The following CACNG4 variants were observed in gnomAD, a reference collection of about 807,000 sequenced individuals.
CACNG4 encodes the protein calcium voltage-gated channel auxiliary subunit gamma 4, also known as voltage-dependent calcium channel gamma-4 subunit.
In CACNG4, 8 loss-of-function variants were observed where a neutral mutation model predicts 22.9. The observed-to-expected ratio is 0.35, with a 90% CI of 0.21 to 0.63. CACNG4 has a LOEUF of 0.63. CACNG4 is among the 30% of genes least tolerant of loss of function. The pLI, the probability that CACNG4 is intolerant of heterozygous loss-of-function variation, is 0.72. For missense variants in CACNG4, 357 were observed against 455.4 expected, an observed-to-expected ratio of 0.78 and a Z score of 1.97; for synonymous variants, 188 against 191.9, an observed-to-expected ratio of 0.98 and a Z score of 0.17.
chr17:66,964,860 G>GGGCGGGCGC lies in CACNG4; in HGVS notation c.-44_-36dup. 1 of 1,166,850 alleles carries GGGCGGGCGC rather than the reference G, an allele frequency of 8.6e-7. No homozygotes were observed. The highest frequency in any genetic ancestry group is 1.1e-6 in the Non-Finnish European group (1 of 927,714). The allele number at this position is 1,166,850 out of a possible 1,614,324, so 72.3% of individuals were successfully genotyped here. A position where few individuals can be genotyped will look rare whatever the true frequency, so the allele number is the denominator to read the frequency against. On this transcript the variant is annotated 5_prime_UTR_variant, in exon 1 of 4. Coordinates refer to ENST00000262138, the MANE Select transcript of CACNG4 (RefSeq NM_014405.4). ...GAGCGGCGCGCGGAGGGAGGAGGGC[G>GGGCGGGCGC]GGCGGGCGCGGCGGGCCGGGCCGGC...
At chr17:66,991,247 C>T (rs1260451429) in intron 1 of CACNG4, among the ~76,000 whole-genome samples, 1 of 152,100 alleles carries the variant, frequency 6.6e-6, no homozygotes. Context: ...TTTCCACTGC[C>T]CCTTCCCCTT....
Position 66,971,974 on chromosome 17 carries a change from G to A in CACNG4, c.220+6843G>A, listed in dbSNP as rs975440376. 1.3e-4 allele frequency among the ~76,000 whole-genome samples: 20 copies of A among 152,196 alleles called. 1 individual carries two copies. Among genetic ancestry groups the A allele is most frequent in the African/African-American group, 4.6e-4 (19 of 41,440 alleles). On this transcript the variant is annotated intron_variant, in intron 1 of 3. Transcript: ENST00000262138. ...CAGGAGGCAGGGGAGGCTACCAGGA[G>A]ACCCATCTGGACATTGTGGCAGACT...
intron 1 of CACNG4, among the ~76,000 whole-genome samples, chr17:66,968,389 C>T (rs2035183141): frequency 6.6e-6 from 1 of 151,870 alleles, no homozygotes; most frequent in Non-Finnish European, 1.5e-5. Flanking sequence ...TTTTCTCTTC[C>T]CTTCCCTTCT....
Position 67,030,586 on chromosome 17 carries a change from CTCTG to C in CACNG4, c.570_573del (p.Phe192LeufsTer11), listed in dbSNP as rs1173016945. 1 of 1,614,236 alleles carries C rather than the reference CTCTG, an allele frequency of 6.2e-7. No individual in the cohort carries two copies. The highest frequency in any genetic ancestry group is 1.7e-5 in the Admixed American group (1 of 60,036). On this transcript the variant is annotated frameshift_variant, in exon 4 of 4. Coordinates refer to ENST00000262138, the MANE Select transcript of CACNG4 (RefSeq NM_014405.4). LOFTEE classifies it high-confidence loss of function. The surrounding 1 kb of genome is among the most constrained non-coding windows in gnomAD (Gnocchi z 6.4). ...TACGGCTGGTCTTTTTACTTTGGAGCTCTGTCTTTCATTGTGGCTGAGACCGTGG... is the reference window on the plus strand; with the variant it reads ...TACGGCTGGTCTTTTTACTTTGGAGCTCTTTCATTGTGGCTGAGACCGTGG...
In CACNG4 at chr17:67,008,755, C is replaced by G. The variant is rs1036044806; in HGVS notation, c.221-9434C>G. On this transcript the variant is annotated intron_variant, in intron 1 of 3. Coordinates refer to ENST00000262138, the MANE Select transcript of CACNG4 (RefSeq NM_014405.4). ...TTGAGGTCAGGAGTTCGACACCAGC[C>G]TGGCCAACATGGTGAAACCCCATCT... Among the ~76,000 whole-genome samples, 12 of 152,280 alleles carry G rather than the reference C, an allele frequency of 7.9e-5. No homozygotes were observed. In the East Asian group the frequency reaches 1.7e-3, roughly 22 times the overall value.
rs575598146 is a variant in CACNG4, at chr17:67,030,058, A to T, written c.446-408A>T. ...GCCGCACGTAGTTAGAAAGACAGGG[A>T]TGGCTCTCCATGTTCTGATTCAGAA... On this transcript the variant is annotated intron_variant, in intron 3 of 3. Coordinates refer to ENST00000262138, the MANE Select transcript of CACNG4 (RefSeq NM_014405.4). The surrounding 1 kb of genome is among the most constrained non-coding windows in gnomAD (Gnocchi z 6.4). 1.7e-3 allele frequency among the ~76,000 whole-genome samples: 252 copies of T among 152,302 alleles called. No homozygotes were observed. The highest frequency in any genetic ancestry group is 3.4e-3 in the Middle Eastern group (1 of 294).
chr17:66,984,690 A>G lies in CACNG4; in HGVS notation c.220+19559A>G, dbSNP rs534348513. Among the ~76,000 whole-genome samples the G allele has an allele frequency of 6.6e-6, 1 of 152,148 alleles. No homozygotes were observed. The highest frequency in any genetic ancestry group is 2.4e-5 in the African/African-American group (1 of 41,524). On this transcript the variant is annotated intron_variant, in intron 1 of 3. Transcript: ENST00000262138. The surrounding 1 kb of genome is among the most constrained non-coding windows in gnomAD (Gnocchi z 4.0). The stretch of plus-strand genomic sequence containing the variant: ...GCTGTTCAGAATGACATGACCTCCC[A>G]CTTGTTCCTGCCTCGCCATCTGCTT...
chr17:67,023,670 C>T (rs911914403), intron 2 of CACNG4, among the ~76,000 whole-genome samples: 2 of 151,310 alleles, frequency 1.3e-5, no homozygotes, highest in African/African-American at 4.9e-5. Flanking sequence ...CTCTGGGGTT[C>T]GAGAGATTCT....
intron 2 of CACNG4, among the ~76,000 whole-genome samples, chr17:67,020,859 G>A (rs1598123222): frequency 6.6e-6 from 1 of 152,172 alleles, no homozygotes; most frequent in African/African-American, 2.4e-5. Flanking sequence ...TCTGGCGGCT[G>A]ATATTTGCAA....
chr17:67,030,336 C>A lies in CACNG4; in HGVS notation c.446-130C>A. The stretch of plus-strand genomic sequence containing the variant: ...AATTACTGAAAAGAAAAATTAGCAA[C>A]CAGAATAAAGAAATACTCATCAGAG... On this transcript the variant is annotated intron_variant, in intron 3 of 3. Coordinates refer to ENST00000262138, the MANE Select transcript of CACNG4 (RefSeq NM_014405.4). The surrounding 1 kb of genome is among the most constrained non-coding windows in gnomAD (Gnocchi z 6.4). 1 of 775,822 alleles carries A rather than the reference C, an allele frequency of 1.3e-6. No individual in the cohort carries two copies. The highest frequency in any genetic ancestry group is 2.1e-6 in the Non-Finnish European group (1 of 465,582). The allele number at this position is 775,822 out of a possible 1,614,324, so 48.1% of individuals were successfully genotyped here.
At chr17:66,993,605 A>T (rs962204413) in intron 1 of CACNG4, among the ~76,000 whole-genome samples, 2 of 152,134 alleles carry the variant, frequency 1.3e-5, no homozygotes, top group Admixed American at 1.3e-4. Flanking sequence ...ACCATGTGAG[A>T]TGATAGATTC....
Position 67,032,020 on chromosome 17 carries a change from C to A in CACNG4, c.*1016C>A, listed in dbSNP as rs1480928982. On this transcript the variant is annotated 3_prime_UTR_variant, in exon 4 of 4. Coordinates refer to ENST00000262138, the MANE Select transcript of CACNG4 (RefSeq NM_014405.4). ...CAAACATCCATTTCCTAGGTGGTTACAAATCATAACTTCCTGCAAATCAAC... is the reference window on the plus strand; with the variant it reads ...CAAACATCCATTTCCTAGGTGGTTAAAAATCATAACTTCCTGCAAATCAAC... 2 of 453,122 alleles carry A rather than the reference C, an allele frequency of 4.4e-6. No homozygotes were observed. Among genetic ancestry groups the A allele is most frequent in the Non-Finnish European group, 8.9e-6 (2 of 225,940 alleles). The allele number at this position is 453,122 out of a possible 1,614,324, so 28.1% of individuals were successfully genotyped here.
chr17:67,015,601 A>AT (rs556241738), intron 1 of CACNG4, among the ~76,000 whole-genome samples: 7 of 152,084 alleles, frequency 4.6e-5, no homozygotes, highest in African/African-American at 1.2e-4. Context: ...GACAAGTGTA[A>AT]TTTTTTTTAA....
At position 67,003,587 on chromosome 17, in the gene CACNG4, T is replaced by C. The variant is rs572907504; in HGVS notation, c.221-14602T>C. 2.6e-5 allele frequency among the ~76,000 whole-genome samples: 4 copies of C among 152,278 alleles called. No individual in the cohort carries two copies. In the South Asian group the frequency reaches 8.3e-4, roughly 32 times the overall value. ...ACATTTGGAGCTAAATCATTATTTG[T>C]TGGGGCAGGGTAGGGAGTCATCCTG... On this transcript the variant is annotated intron_variant, in intron 1 of 3. Transcript: ENST00000262138.
chr17:66,996,337 G>A (rs555474336), intron 1 of CACNG4, among the ~76,000 whole-genome samples: 36 of 151,010 alleles, frequency 2.4e-4, no homozygotes, highest in Middle Eastern at 3.4e-3. Context: ...TAGATCCTGA[G>A]TCCCTCAGAG....
At chr17:66,982,154 G>A (rs148050644) in intron 1 of CACNG4, among the ~76,000 whole-genome samples, 2 of 152,342 alleles carry the variant, frequency 1.3e-5, no homozygotes, top group Non-Finnish European at 2.9e-5. Context: ...AAGAGTGAAA[G>A]AACAAGCTTC....
intron 3 of CACNG4, among the ~76,000 whole-genome samples, chr17:67,029,369 C>T (rs540775217): frequency 1.3e-5 from 2 of 151,960 alleles, no homozygotes; most frequent in Non-Finnish European, 2.9e-5. Context: ...TGGTGGCTCA[C>T]GCCTGTAATC....
chr17:66,972,784 G>A (rs1298568721), intron 1 of CACNG4, among the ~76,000 whole-genome samples: 1 of 151,216 alleles, frequency 6.6e-6, no homozygotes, highest in Non-Finnish European at 1.5e-5. Flanking sequence ...AAATTAGCCG[G>A]GCGTAGTGGT....
intron 1 of CACNG4, among the ~76,000 whole-genome samples, chr17:67,012,221 G>GC (rs1689596678): frequency 6.6e-6 from 1 of 152,220 alleles, no homozygotes; most frequent in African/African-American, 2.4e-5. Flanking sequence ...GTCAAATGGA[G>GC]CAGAGAAGAC....
Sources: allele counts gnomAD v4.1 joint callset (sites outside exome capture counted in the v4.1 genomes callset), GRCh38; gene constraint gnomAD v4.1.1; non-coding constraint Gnocchi (gnomAD v3.1); transcripts MANE v1.5; gene names NCBI Gene and HGNC (gene_info 2026-07-23, HGNC 2026-07-21).